Variants in RPRD1A observed in about 807,000 individuals in gnomAD.
The protein encoded by RPRD1A is regulation of nuclear pre-mRNA domain-containing protein 1A.
RPRD1A carries 9 observed loss-of-function variants against 37.8 expected under a neutral mutation model. The ratio of observed to expected loss-of-function variants is 0.24; its 90% CI spans 0.14 to 0.42. The LOEUF (loss-of-function observed/expected upper bound fraction) is 0.42, where lower values mean the gene tolerates loss of function less well. Ranked by LOEUF, RPRD1A falls within the 10% of genes least tolerant of loss-of-function variation. The pLI, the probability that RPRD1A is intolerant of heterozygous loss-of-function variation, is 1.00. For missense variants in RPRD1A, 255 were observed against 371.0 expected, an observed-to-expected ratio of 0.69 and a Z score of 2.57; for synonymous variants, 138 against 139.7, an observed-to-expected ratio of 0.99 and a Z score of 0.08.
At chr18:36,025,047 G>C (rs1193450907) in intron 6 of RPRD1A, 2 of 152,252 alleles carry the variant, frequency 1.3e-5, no homozygotes, top group African/African-American at 4.8e-5. Flanking sequence ...TTTCAAGACA[G>C]TGATTACCTC....
chr18:36,064,082 T>C (rs890751870), intron 1 of RPRD1A: 16 of 152,282 alleles, frequency 1.1e-4, no homozygotes, highest in African/African-American at 3.4e-4. Context: ...TATTGAGAGG[T>C]GACAACGTCC....
chr18:35,993,495 C>A (rs1027928317), intron 6 of RPRD1A, among the ~76,000 whole-genome samples, 195 bp from the exon 7 acceptor site: 1 of 152,144 alleles, frequency 6.6e-6, no homozygotes, highest in East Asian at 1.9e-4. Flanking sequence ...TTAAGAAAAA[C>A]CACAATCTTT....
At chr18:36,030,770 A>G in intron 4 of RPRD1A, 38 bp downstream of exon 4, 1 of 1,273,574 alleles carries the variant, frequency 7.9e-7, no homozygotes, top group Non-Finnish European at 1.1e-6. Flanking sequence ...AACATGAAGT[A>G]AAAGTTTGTA....
chr18:36,021,073 T>G (rs1347949792), intron 6 of RPRD1A, among the ~76,000 whole-genome samples: 1 of 152,150 alleles, frequency 6.6e-6, no homozygotes, highest in East Asian at 1.9e-4. Context: ...ATAAAATATT[T>G]TAGGACAATA....
chr18:35,993,111 T>C lies in RPRD1A; in HGVS notation c.*40A>G. 6.3e-7 allele frequency: 1 copy of C among 1,587,536 alleles called. No homozygotes were observed. Among genetic ancestry groups the C allele is most frequent in the Non-Finnish European group, 8.6e-7 (1 of 1,165,088 alleles). On this transcript the variant is annotated 3_prime_UTR_variant, in exon 7 of 7. Transcript: ENST00000399022. ...GGACTATCCACCTAACCTGTCTCCA[T>C]CTCTTGCAAAGTCCTGGGACCTGGA...
chr18:36,019,917 G>A (rs902266314), intron 6 of RPRD1A, among the ~76,000 whole-genome samples: 19 of 152,310 alleles, frequency 1.2e-4, no homozygotes, highest in Admixed American at 1.0e-3. Context: ...GCGCGCACCT[G>A]TAATCCCAGC....
intron 6 of RPRD1A, among the ~76,000 whole-genome samples, chr18:35,997,928 T>G (rs1909181824): frequency 6.6e-6 from 1 of 152,180 alleles, no homozygotes; most frequent in Admixed American, 6.5e-5. Flanking sequence ...ATAACGTTCT[T>G]TACCATGACT....
At chr18:36,023,716 C>G (rs28705714) in intron 6 of RPRD1A, among the ~76,000 whole-genome samples, 184 of 152,266 alleles carry the variant, frequency 1.2e-3, no homozygotes, top group African/African-American at 4.0e-3. Flanking sequence ...CAATCACCAC[C>G]CTAATCAGTC....
At chr18:36,039,227 A>G (rs1327761924) in intron 1 of RPRD1A, among the ~76,000 whole-genome samples, 3 of 152,172 alleles carry the variant, frequency 2.0e-5, no homozygotes, top group South Asian at 2.1e-4. Flanking sequence ...CATGACTGTA[A>G]GTTTCCTGAG....
At chr18:36,054,044 T>C (rs1438343166) in intron 1 of RPRD1A, among the ~76,000 whole-genome samples, 2 of 151,984 alleles carry the variant, frequency 1.3e-5, no homozygotes, top group Non-Finnish European at 2.9e-5. Context: ...CACAATGAGT[T>C]TGGGATGTTT....
At chr18:35,997,417 C>G (rs1025625315) in intron 6 of RPRD1A, among the ~76,000 whole-genome samples, 11 of 152,146 alleles carry the variant, frequency 7.2e-5, no homozygotes, top group Non-Finnish European at 1.3e-4. Context: ...AAAATTCTAT[C>G]ATTTGAATGG....
intron 1 of RPRD1A, among the ~76,000 whole-genome samples, chr18:36,056,764 G>A (rs764206902): frequency 6.6e-6 from 1 of 151,950 alleles, no homozygotes; most frequent in Admixed American, 6.6e-5. Flanking sequence ...AGAACAAGAT[G>A]AACAGGCACC....
At chr18:36,004,000 CTTTTTTTTTT>C (rs34397005) in intron 6 of RPRD1A, among the ~76,000 whole-genome samples, 1 of 85,176 alleles carries the variant, frequency 1.2e-5, no homozygotes. Context: ...CAGACACAGA[CTTTTTTTTTT>C]TTTTTTTTTT....
At chr18:36,042,778 CTA>C (rs1912676276) in intron 1 of RPRD1A, among the ~76,000 whole-genome samples, 1 of 152,082 alleles carries the variant, frequency 6.6e-6, no homozygotes, top group Non-Finnish European at 1.5e-5. Context: ...CTGACACCAA[CTA>C]AAATTGACAA....
At chr18:36,032,768 A>C (rs1293727751) in intron 2 of RPRD1A, among the ~76,000 whole-genome samples, 1 of 152,222 alleles carries the variant, frequency 6.6e-6, no homozygotes, top group Non-Finnish European at 1.5e-5. Flanking sequence ...GTTGCCATTC[A>C]CAGAGTATAA....
At chr18:36,033,006 G>A (rs1911910032) in intron 2 of RPRD1A, among the ~76,000 whole-genome samples, 1 of 152,102 alleles carries the variant, frequency 6.6e-6, no homozygotes, top group South Asian at 2.1e-4. Flanking sequence ...CAGAGGGCAA[G>A]TAAAGAATGG....
chr18:36,031,205 G>GA (rs1211991698), intron 2 of RPRD1A, 108 bp from the exon 3 acceptor site: 9 of 1,324,418 alleles, frequency 6.8e-6, no homozygotes, highest in Middle Eastern at 2.8e-4. Context: ...TCATTCCCTG[G>GA]AAAAAACTGT....
chr18:35,999,450 C>T (rs1909286972), intron 6 of RPRD1A, among the ~76,000 whole-genome samples: 1 of 152,134 alleles, frequency 6.6e-6, no homozygotes, highest in Non-Finnish European at 1.5e-5. Context: ...AATCACCTTG[C>T]AGTAAGAACA....
chr18:36,062,655 G>T (rs899672087), intron 1 of RPRD1A, among the ~76,000 whole-genome samples: 1 of 152,110 alleles, frequency 6.6e-6, no homozygotes, highest in East Asian at 1.9e-4. Context: ...TGTTTTCCAG[G>T]CTCATCCATG....
Sources: allele counts gnomAD v4.1 joint callset (sites outside exome capture counted in the v4.1 genomes callset), GRCh38; gene constraint gnomAD v4.1.1; transcripts MANE v1.5; gene names NCBI Gene and HGNC (gene_info 2026-07-23, HGNC 2026-07-21).